Variants in EYA2 observed in about 807,000 individuals in gnomAD.
EYA2 encodes protein phosphatase EYA2.
EYA2 carries 31 observed loss-of-function variants against 69.2 expected under a neutral mutation model. The observed-to-expected ratio is 0.45, with a 90% CI of 0.34 to 0.60. The LOEUF is 0.60. Ranked by LOEUF, EYA2 falls within the 20% of genes least tolerant of loss-of-function variation. The pLI, the probability that EYA2 is intolerant of heterozygous loss-of-function variation, is 0.02. For missense variants in EYA2, 622 were observed against 701.2 expected (o/e 0.89, Z 1.28); for synonymous variants, 257 against 279.4 (o/e 0.92, Z 0.80).
intron 9 of EYA2, among the ~76,000 whole-genome samples, chr20:47,099,624 C>T (rs902002944): frequency 3.9e-5 from 6 of 152,158 alleles, no homozygotes; most frequent in South Asian, 2.1e-4. Flanking sequence ...GTTGAGGGGA[C>T]GTGGAGCTGG....
chr20:47,104,977 T>C lies in EYA2; in HGVS notation c.888+7809T>C, dbSNP rs148625014. Among the ~76,000 whole-genome samples, 193 of 152,284 alleles carry C rather than the reference T, an allele frequency of 1.3e-3. 1 individual carries two copies. The highest frequency in any genetic ancestry group is 4.5e-3 in the African/African-American group (189 of 41,562). On this transcript the variant is annotated intron_variant, in intron 9 of 15. Transcript: ENST00000327619. ...TGGAGGCTGCAGTGAACCAAGATCA[T>C]GCCATTGCACTCCAGCCTGGGCGAC...
chr20:47,180,361 G>C (rs1223816209), intron 13 of EYA2, among the ~76,000 whole-genome samples: 1 of 152,162 alleles, frequency 6.6e-6, no homozygotes, highest in Non-Finnish European at 1.5e-5. Flanking sequence ...AGTGCACAAG[G>C]CTCAGTGGAT....
intron 5 of EYA2, among the ~76,000 whole-genome samples, chr20:47,024,627 C>T (rs1473980951): frequency 6.6e-6 from 1 of 152,208 alleles, no homozygotes; most frequent in Non-Finnish European, 1.5e-5. Context: ...CATTAGCCTC[C>T]GCTGACTTGC....
chr20:46,979,691 A>G (rs6124908), intron 1 of EYA2: 50,164 of 151,960 alleles, frequency 0.33, 9,872 homozygotes, highest in Non-Finnish European at 0.44. Flanking sequence ...ACCAAAGTGC[A>G]GCAGAGCTCA....
intron 1 of EYA2, among the ~76,000 whole-genome samples, chr20:46,965,731 G>A (rs755563953): frequency 6.6e-6 from 1 of 152,258 alleles, no homozygotes; most frequent in Non-Finnish European, 1.5e-5. Flanking sequence ...GGTTGGCGCA[G>A]CCTTGCTTGC....
At chr20:46,922,576 C>T (rs1356560540) in intron 1 of EYA2, among the ~76,000 whole-genome samples, 1 of 152,128 alleles carries the variant, frequency 6.6e-6, no homozygotes, top group Non-Finnish European at 1.5e-5. Flanking sequence ...ATATATACCA[C>T]TAATAAATAG....
intron 9 of EYA2, among the ~76,000 whole-genome samples, chr20:47,141,545 G>A (rs1405088587): frequency 2.6e-5 from 4 of 152,206 alleles, no homozygotes; most frequent in African/African-American, 9.6e-5. Flanking sequence ...AGGGCATGCT[G>A]CAGTAACAAA....
At chr20:47,083,713 T>C (rs2031801307) in intron 7 of EYA2, among the ~76,000 whole-genome samples, 2 of 151,916 alleles carry the variant, frequency 1.3e-5, no homozygotes, top group South Asian at 4.2e-4. Context: ...TAGGAGACAG[T>C]TTTGTGACTT....
chr20:46,962,031 CTTTTCT>C (rs1208236425), intron 1 of EYA2, among the ~76,000 whole-genome samples: 2 of 152,074 alleles, frequency 1.3e-5, no homozygotes, highest in Non-Finnish European at 2.9e-5. Context: ...TTCTTTCTTT[CTTTTCT>C]TTTTCTTTTT....
At chr20:47,089,958 T>TCCACAC (rs1220610095) in intron 8 of EYA2, among the ~76,000 whole-genome samples, 3 of 151,762 alleles carry the variant, frequency 2.0e-5, no homozygotes, top group Non-Finnish European at 4.4e-5. Flanking sequence ...TAATAAGGCT[T>TCCACAC]AGATATTGAT....
intron 8 of EYA2, chr20:47,095,776 G>A (rs1305657841): frequency 2.0e-5 from 3 of 152,140 alleles, no homozygotes; most frequent in Admixed American, 6.5e-5. Context: ...TCAGATATTC[G>A]AGAATTCAGG....
chr20:46,991,223 C>T (rs1600617048), intron 2 of EYA2, among the ~76,000 whole-genome samples: 2 of 152,182 alleles, frequency 1.3e-5, no homozygotes, highest in African/African-American at 2.4e-5. Context: ...TAAGTAGAGA[C>T]GCAAGTCAAC....
chr20:47,001,158 C>G (rs976942940), intron 2 of EYA2, among the ~76,000 whole-genome samples: 1 of 152,054 alleles, frequency 6.6e-6, no homozygotes, highest in Non-Finnish European at 1.5e-5. Context: ...GAGAAATGGA[C>G]TCTACTCTGA....
At chr20:47,080,872 C>A (rs2031689014) in intron 7 of EYA2, among the ~76,000 whole-genome samples, 1 of 152,144 alleles carries the variant, frequency 6.6e-6, no homozygotes, top group African/African-American at 2.4e-5. Context: ...GCAGGAAAGA[C>A]CCTCCTTCTT....
intron 4 of EYA2, among the ~76,000 whole-genome samples, chr20:47,008,133 T>G (rs1982834112): frequency 6.6e-6 from 1 of 152,194 alleles, no homozygotes; most frequent in South Asian, 2.1e-4. Context: ...TGTCGAGGCA[T>G]CAGTCCAGGC....
intron 5 of EYA2, among the ~76,000 whole-genome samples, chr20:47,058,278 G>A (rs2030728969): frequency 6.6e-6 from 1 of 152,266 alleles, no homozygotes. Flanking sequence ...GGCAAAAATA[G>A]CAAGTGGGAT....
chr20:47,022,389 C>T (rs941902366), intron 5 of EYA2, among the ~76,000 whole-genome samples: 1 of 152,200 alleles, frequency 6.6e-6, no homozygotes, highest in African/African-American at 2.4e-5. Context: ...TCTCGGCTTA[C>T]TGCAACCTCC....
intron 10 of EYA2, among the ~76,000 whole-genome samples, chr20:47,167,897 A>G (rs1164089519): frequency 6.6e-6 from 1 of 152,154 alleles, no homozygotes; most frequent in Non-Finnish European, 1.5e-5. Flanking sequence ...ACAGTCAGGG[A>G]TGGCTCAGCT....
At chr20:47,001,365 C>T in intron 2 of EYA2, 63 bp from the exon 3 acceptor site, 1 of 1,460,284 alleles carries the variant, frequency 6.8e-7, no homozygotes, top group African/African-American at 1.4e-5. Context: ...TCTGAAGTCA[C>T]CACCTCTGCA....
Sources: allele counts gnomAD v4.1 joint callset (sites outside exome capture counted in the v4.1 genomes callset), GRCh38; gene constraint gnomAD v4.1.1; transcripts MANE v1.5; gene names NCBI Gene and HGNC (gene_info 2026-07-23, HGNC 2026-07-21).